The following LHFPL2 variants were observed in gnomAD, a reference collection of about 807,000 sequenced individuals.
LHFPL2 encodes the protein LHFPL tetraspan subfamily member 2 protein.
A neutral mutation model predicts 17.5 loss-of-function variants in LHFPL2; 7 were observed. That is an observed-to-expected ratio of 0.40 (90% confidence interval 0.23 to 0.75). The LOEUF is 0.75. Among genes scored for constraint, LHFPL2 ranks in the 30% least tolerant of loss-of-function variants. The probability of loss-of-function intolerance (pLI) is 0.37; values close to 1 mark genes in which losing one functional copy is unlikely to be tolerated. For missense variants in LHFPL2, 241 were observed against 294.8 expected, an observed-to-expected ratio of 0.82 and a Z score of 1.34; for synonymous variants, 134 against 116.2, an observed-to-expected ratio of 1.15 and a Z score of -0.99.
At chr5:78,576,323 C>T (rs1030515194) in intron 2 of LHFPL2, among the ~76,000 whole-genome samples, 1 of 151,690 alleles carries the variant, frequency 6.6e-6, no homozygotes, top group Non-Finnish European at 1.5e-5. Context: ...AATTTTTACT[C>T]AAAAAAGAAT....
At chr5:78,547,130 C>T (rs1028104938) in intron 3 of LHFPL2, among the ~76,000 whole-genome samples, 6 of 152,162 alleles carry the variant, frequency 3.9e-5, no homozygotes, top group African/African-American at 1.4e-4. Context: ...CTCAGAAGGG[C>T]GCTGATCTAA....
chr5:78,603,128 G>A (rs774274735), intron 2 of LHFPL2, among the ~76,000 whole-genome samples: 1 of 151,962 alleles, frequency 6.6e-6, no homozygotes, highest in Non-Finnish European at 1.5e-5. Context: ...TGCTGACCTC[G>A]TGATCCACCT....
chr5:78,632,666 T>C (rs1745295608), intron 1 of LHFPL2, among the ~76,000 whole-genome samples: 1 of 152,210 alleles, frequency 6.6e-6, no homozygotes, highest in African/African-American at 2.4e-5. Flanking sequence ...GTACCTTCTA[T>C]ATGCCTGGAA....
intron 3 of LHFPL2, among the ~76,000 whole-genome samples, chr5:78,520,157 C>T (rs1755408472): frequency 6.6e-6 from 1 of 152,160 alleles, no homozygotes; most frequent in African/African-American, 2.4e-5. Context: ...CTATTACCAT[C>T]ATATAGGTCA....
At chr5:78,558,712 T>C (rs942865215) in intron 3 of LHFPL2, among the ~76,000 whole-genome samples, 2 of 152,160 alleles carry the variant, frequency 1.3e-5, no homozygotes, top group Admixed American at 6.5e-5. Flanking sequence ...GAATTCTTTG[T>C]GCAATAATCC....
intron 2 of LHFPL2, among the ~76,000 whole-genome samples, chr5:78,622,275 A>G (rs1744881477): frequency 6.6e-6 from 1 of 152,172 alleles, no homozygotes; most frequent in South Asian, 2.1e-4. Flanking sequence ...GAGGGGCAAC[A>G]ATTAGGGAGA....
chr5:78,511,267 G>A lies in LHFPL2; in HGVS notation c.-185-869C>T, dbSNP rs182780454. The stretch of plus-strand genomic sequence containing the variant: ...CTTGAATTGTCCCAATTCATCCCAT[G>A]TGCCTCTGCCTAAGCTTCGATTCAC... On this transcript the variant is annotated intron_variant, in intron 3 of 4. Coordinates refer to ENST00000380345, the MANE Select transcript of LHFPL2 (RefSeq NM_005779.3). Among the ~76,000 whole-genome samples the A allele has an allele frequency of 4.2e-3, 635 of 152,318 alleles. 3 individuals are homozygous for A. Among genetic ancestry groups the A allele is most frequent in the Admixed American group, 6.8e-3 (104 of 15,300 alleles).
chr5:78,587,607 T>C (rs1743463824), intron 2 of LHFPL2, among the ~76,000 whole-genome samples: 1 of 152,258 alleles, frequency 6.6e-6, no homozygotes, highest in East Asian at 1.9e-4. Flanking sequence ...TGAATTTCTC[T>C]GACAATTGTT....
Position 78,548,746 on chromosome 5 carries a change from C to T in LHFPL2, c.-186+16067G>A, listed in dbSNP as rs147083523. 2.7e-4 allele frequency among the ~76,000 whole-genome samples: 41 copies of T among 152,278 alleles called. 1 individual carries two copies. In the East Asian group the frequency reaches 7.5e-3, roughly 28 times the overall value. On this transcript the variant is annotated intron_variant, in intron 3 of 4. Coordinates refer to ENST00000380345, the MANE Select transcript of LHFPL2 (RefSeq NM_005779.3). ...GCACTGGCAGACTTATGCTGGATCACGCACCCTGGGATTAAATGCCATTTT... is the reference window on the plus strand; with the variant it reads ...GCACTGGCAGACTTATGCTGGATCATGCACCCTGGGATTAAATGCCATTTT...
intron 3 of LHFPL2, among the ~76,000 whole-genome samples, chr5:78,521,646 G>C (rs181768529): frequency 1.3e-5 from 2 of 152,220 alleles, no homozygotes; most frequent in Non-Finnish European, 2.9e-5. Flanking sequence ...GAGAGGTTCT[G>C]ATAAGATAAA....
At chr5:78,569,753 C>A (rs1756948408) in intron 2 of LHFPL2, among the ~76,000 whole-genome samples, 1 of 152,202 alleles carries the variant, frequency 6.6e-6, no homozygotes, top group Admixed American at 6.5e-5. Context: ...TGCCACTCAA[C>A]CACAGTGGTG....
At chr5:78,506,331 C>T (rs1353464667) in intron 4 of LHFPL2, among the ~76,000 whole-genome samples, 1 of 152,138 alleles carries the variant, frequency 6.6e-6, no homozygotes, top group African/African-American at 2.4e-5. Flanking sequence ...ACATTTTTGC[C>T]AAAATGTAAG....
At chr5:78,550,663 C>A (rs561999678) in intron 3 of LHFPL2, among the ~76,000 whole-genome samples, 1 of 152,240 alleles carries the variant, frequency 6.6e-6, no homozygotes, top group East Asian at 1.9e-4. Flanking sequence ...CTCCGCCTCC[C>A]GGGTTCAAGA....
At chr5:78,574,651 A>G (rs568067770) in intron 2 of LHFPL2, among the ~76,000 whole-genome samples, 4 of 152,246 alleles carry the variant, frequency 2.6e-5, no homozygotes, top group Non-Finnish European at 5.9e-5. Flanking sequence ...AGCAAATTCA[A>G]CAATCAGTGG....
chr5:78,568,897 G>A (rs925563373), intron 2 of LHFPL2, among the ~76,000 whole-genome samples: 7 of 152,116 alleles, frequency 4.6e-5, no homozygotes, highest in Non-Finnish European at 7.4e-5. Context: ...AAAGGGGGCC[G>A]GAGTGTGGGT....
At chr5:78,631,679 T>C (rs1259337391) in intron 2 of LHFPL2, among the ~76,000 whole-genome samples, 3 of 152,220 alleles carry the variant, frequency 2.0e-5, no homozygotes, top group Non-Finnish European at 4.4e-5. Flanking sequence ...GTTATGCCTG[T>C]AATCCCAGCA....
intron 3 of LHFPL2, among the ~76,000 whole-genome samples, chr5:78,534,507 G>A (rs1017776385): frequency 1.3e-5 from 2 of 152,156 alleles, no homozygotes; most frequent in South Asian, 2.1e-4. Flanking sequence ...GGCCTCCACC[G>A]CCCTCCCCAG....
chr5:78,600,614 G>C (rs1013725138), intron 2 of LHFPL2, among the ~76,000 whole-genome samples: 8 of 152,156 alleles, frequency 5.3e-5, no homozygotes, highest in African/African-American at 1.9e-4. Flanking sequence ...TGTAATCCCA[G>C]CTACTCAGGA....
chr5:78,621,425 G>A (rs1744849762), intron 2 of LHFPL2, among the ~76,000 whole-genome samples: 1 of 151,990 alleles, frequency 6.6e-6, no homozygotes, highest in Non-Finnish European at 1.5e-5. Flanking sequence ...CCTGCATCTC[G>A]GTGGAGTTAC....
Sources: gnomAD v4.1 joint callset for allele counts (sites outside exome capture counted in the v4.1 genomes callset) on GRCh38, gnomAD v4.1.1 for gene constraint, MANE v1.5 for transcripts, NCBI Gene and HGNC (gene_info 2026-07-23, HGNC 2026-07-21) for gene names.